Variants in BRWD1 observed in about 807,000 individuals in gnomAD.
BRWD1 encodes the protein bromodomain and WD repeat-containing protein 1.
In BRWD1, 82 loss-of-function variants were observed where a neutral mutation model predicts 251.2. The observed-to-expected ratio is 0.33, with a 90% CI of 0.27 to 0.39. The LOEUF is 0.39. BRWD1 is among the 10% of genes least tolerant of loss of function. The pLI is 1.00. For synonymous variants in BRWD1, 918 were observed against 902.8 expected (o/e 1.02, Z -0.30); for missense variants, 2,233 against 2,711.6 (o/e 0.82, Z 3.92).
intron 21 of BRWD1, 72 bp downstream of exon 21, chr21:39,247,628 AT>A (rs2034241433): frequency 7.0e-7 from 1 of 1,422,930 alleles, no homozygotes; most frequent in East Asian, 2.4e-5. Flanking sequence ...TTTGGGGTAT[AT>A]TCATTCAAAG....
At chr21:39,252,776 C>T (rs150717735) in intron 19 of BRWD1, among the ~76,000 whole-genome samples, 13 of 151,174 alleles carry the variant, frequency 8.6e-5, no homozygotes, top group Non-Finnish European at 1.5e-4. Flanking sequence ...TACCTACTCT[C>T]CTCCTTAGCT....
At chr21:39,217,078 TATATA>T (rs2032972531) in intron 31 of BRWD1, 9 of 12,176 alleles carry the variant, frequency 7.4e-4, no homozygotes, top group Admixed American at 4.0e-3. Flanking sequence ...TATATATATA[TATATA>T]TTTTTTTTTT....
rs1458761218 is a variant in BRWD1, at chr21:39,198,995, G to A, written c.5421C>T (p.His1807=). 3 of 1,614,052 alleles carry A rather than the reference G, an allele frequency of 1.9e-6. No individual in the cohort carries two copies. In the South Asian group the frequency reaches 3.3e-5, roughly 18 times the overall value. Residue 1807 remains histidine (H), a synonymous_variant, in exon 40 of 41, where the codon CAC becomes CAT. Transcript: ENST00000342449. ...TTTTTTTAAAGAAACTCGCATTCTT[G>A]TGAAATGTATTGTATTTCCTACCAC... ...RSGGRKYNTF[H]KNASFFKKTK...
At chr21:39,312,985 C>CGGGGGGCGCG in intron 3 of BRWD1, 85 bp from the exon 4 acceptor site, 1 of 805,280 alleles carries the variant, frequency 1.2e-6, no homozygotes. Context: ...GGGCGGCGGG[C>CGGGGGGCGCG]GGCGGGCGGG....
At chr21:39,247,680 A>G in intron 21 of BRWD1, 21 bp downstream of exon 21, 1 of 1,588,552 alleles carries the variant, frequency 6.3e-7, no homozygotes. Context: ...ATCTTATAAC[A>G]TTTTAAAGTT....
intron 8 of BRWD1, among the ~76,000 whole-genome samples, chr21:39,280,781 G>C (rs1601450354): frequency 6.6e-6 from 1 of 152,256 alleles, no homozygotes; most frequent in East Asian, 1.9e-4. Context: ...AAAAAACTAA[G>C]TCCATTCTTC....
rs781348697 is a variant in BRWD1 at position 39,186,990 on chromosome 21, T to G, written c.*9269A>C. The G allele has an allele frequency of 6.6e-7, 1 of 1,520,902 alleles. No individual in the cohort carries two copies. The highest frequency in any genetic ancestry group is 8.8e-7 in the Non-Finnish European group (1 of 1,140,656). The allele number at this position is 1,520,902 out of a possible 1,614,324, so 94.2% of individuals were successfully genotyped here. A position where few individuals can be genotyped will look rare whatever the true frequency, so the allele number is the denominator to read the frequency against. ...AACTGCCAGTTTACTTGTGTACCAA[T>G]TGTTTTCAGATGCCACTTCTACATT... On this transcript the variant is annotated 3_prime_UTR_variant, in exon 41 of 41. Transcript: ENST00000342449.
rs200894636 is a variant in BRWD1, at chr21:39,249,913, GGGGTGTGTGTGTGTGTGTGTGTGTGT to G, written c.2349+857_2349+882del. Among the ~76,000 whole-genome samples, 60 of 132,572 alleles carry G rather than the reference GGGGTGTGTGTGTGTGTGTGTGTGTGT, an allele frequency of 4.5e-4. No homozygotes were observed. In the East Asian group the frequency reaches 0.012, roughly 26 times the overall value. The allele number at this position is 132,572 out of a possible 152,430, so 87.0% of individuals were successfully genotyped here. ...CAGAACCAAGATCAAAAAAAGAAGGGGGGTGTGTGTGTGTGTGTGTGTGTGTGTGTGTGTGTGTGTGTGTATACACA... is the reference window on the plus strand; with the variant it reads ...CAGAACCAAGATCAAAAAAAGAAGGGGTGTGTGTGTGTGTGTGTATACACA... On this transcript the variant is annotated intron_variant, in intron 20 of 40. Transcript: ENST00000342449.
chr21:39,196,179 C>CG lies in BRWD1; in HGVS notation c.*79_*80insC. 1 of 1,482,286 alleles carries CG rather than the reference C, an allele frequency of 6.7e-7. No homozygotes were observed. The highest frequency in any genetic ancestry group is 8.9e-7 in the Non-Finnish European group (1 of 1,121,510). 91.8% of individuals were successfully genotyped at this position (1,482,286 alleles called of 1,614,324 possible). On this transcript the variant is annotated 3_prime_UTR_variant, in exon 41 of 41. Transcript: ENST00000342449. ...TAAATATATTCCCTGAATTGTAAGA[C>CG]AAAAAAATAATTTTAACAGCCAGCT...
At chr21:39,224,752 C>T (rs148130938) in intron 28 of BRWD1, among the ~76,000 whole-genome samples, 34 of 152,208 alleles carry the variant, frequency 2.2e-4, no homozygotes, top group African/African-American at 7.9e-4. Context: ...GTTTTTATCC[C>T]ATTGCCAATG....
intron 8 of BRWD1, among the ~76,000 whole-genome samples, chr21:39,291,829 A>T (rs2035816608): frequency 6.6e-6 from 1 of 152,150 alleles, no homozygotes; most frequent in African/African-American, 2.4e-5. Flanking sequence ...CACCTACCTG[A>T]TGAGTTATGC....
At chr21:39,262,417 C>G (rs2034782240) in intron 17 of BRWD1, among the ~76,000 whole-genome samples, 1 of 152,192 alleles carries the variant, frequency 6.6e-6, no homozygotes, top group Non-Finnish European at 1.5e-5. Context: ...AAGCCAGACA[C>G]AAAAGATTAC....
In BRWD1 at chr21:39,185,803, TCA is replaced by T. The variant is rs2031199716; in HGVS notation, c.*10454_*10455del. On this transcript the variant is annotated 3_prime_UTR_variant, in exon 41 of 41. Coordinates refer to ENST00000342449, the MANE Select transcript of BRWD1 (RefSeq NM_033656.4). Reference sequence around the variant, plus strand: ...AGATTTACACATGCAAATCATATATTCAGATATTTTTAAATGGGAAAACAACT... The same window carrying T: ...AGATTTACACATGCAAATCATATATTGATATTTTTAAATGGGAAAACAACT... 6.6e-6 allele frequency: 1 copy of T among 152,166 alleles called. No individual in the cohort carries two copies. The highest frequency in any genetic ancestry group is 6.5e-5 in the Admixed American group (1 of 15,282). The allele number at this position is 152,166 out of a possible 1,614,324, so 9.4% of individuals were successfully genotyped here. A position where few individuals can be genotyped will look rare whatever the true frequency, so the allele number is the denominator to read the frequency against.
rs1213838568 is a variant in BRWD1 at position 39,258,354 on chromosome 21, GACT to G, written c.2071+130_2071+132del. ...CTCACACCTCATAAAGCTACCTTCA[GACT>G]ACTAATTAAGTTGTAAAAATACATT... On this transcript the variant is annotated intron_variant, in intron 18 of 40. Transcript: ENST00000342449. 2.3e-5 allele frequency: 17 copies of G among 740,564 alleles called. 1 individual carries two copies. The East Asian group carries it at 4.0e-4, about 17-fold the overall frequency. The allele number at this position is 740,564 out of a possible 1,614,324, so 45.9% of individuals were successfully genotyped here.
chr21:39,270,172 C>A, intron 14 of BRWD1, 111 bp downstream of exon 14: 1 of 1,208,124 alleles, frequency 8.3e-7, no homozygotes, highest in Non-Finnish European at 1.1e-6. Flanking sequence ...CTAATCATTT[C>A]ATAGTTTACA....
At chr21:39,265,117 T>C in intron 15 of BRWD1, 98 bp from the exon 16 acceptor site, 1 of 1,251,098 alleles carries the variant, frequency 8.0e-7, no homozygotes, top group African/African-American at 1.6e-5. Context: ...AATATATCCC[T>C]TCTGAAAAAA....
chr21:39,263,471 G>C (rs539511381), intron 17 of BRWD1, among the ~76,000 whole-genome samples: 2 of 152,234 alleles, frequency 1.3e-5, no homozygotes, highest in South Asian at 4.1e-4. Flanking sequence ...GCTTCAAAAG[G>C]CTCTGAGAGT....
At chr21:39,292,115 TGGGGGGTGGGTGGGGGTGG>T (rs2035826387) in intron 8 of BRWD1, among the ~76,000 whole-genome samples, 2 of 10,284 alleles carry the variant, frequency 1.9e-4, no homozygotes, top group South Asian at 0.011. Flanking sequence ...CTATTTTTTG[TGGGGGGTGGGTGGGGGTGG>T]GGGGGGGGGT....
At position 39,189,325 on chromosome 21, in the gene BRWD1, A is replaced by G; in HGVS notation, c.*6934T>C. ...TAGATAAAATTCTATTTCAACTACA[A>G]TTTGTAACAAAATGCTTTAAGTTGC... is the stretch of plus-strand genomic sequence containing the variant. On this transcript the variant is annotated 3_prime_UTR_variant, in exon 41 of 41. Coordinates refer to ENST00000342449, the MANE Select transcript of BRWD1 (RefSeq NM_033656.4). 2 of 985,248 alleles carry G rather than the reference A, an allele frequency of 2.0e-6. No homozygotes were observed. The highest frequency in any genetic ancestry group is 1.7e-5 in the African/African-American group (1 of 57,350). 61.0% of individuals were successfully genotyped at this position (985,248 alleles called of 1,614,324 possible).
Sources: allele counts gnomAD v4.1 joint callset (sites outside exome capture counted in the v4.1 genomes callset), GRCh38; gene constraint gnomAD v4.1.1; transcripts MANE v1.5; gene names NCBI Gene and HGNC (gene_info 2026-07-23, HGNC 2026-07-21).